Variants in NOTCH1 observed in about 807,000 individuals in gnomAD.
NOTCH1 encodes neurogenic locus notch homolog protein 1.
Under a neutral mutation model 254.8 loss-of-function variants are expected in NOTCH1, and 37 were observed. The observed-to-expected ratio is 0.15, with a 90% CI of 0.11 to 0.19. The LOEUF is 0.19. Among genes scored for constraint, NOTCH1 ranks in the 10% least tolerant of loss-of-function variants. NOTCH1 has a pLI of 1.00. For synonymous variants in NOTCH1, 1,731 were observed against 1,618.1 expected (o/e 1.07, Z -1.68); for missense variants, 2,972 against 3,708.6 (o/e 0.80, Z 5.16).
At position 136,522,887 on chromosome 9, in the gene NOTCH1, G is replaced by T; in HGVS notation, c.705C>A (p.Pro235=). The T allele has an allele frequency of 6.5e-7, 1 of 1,531,490 alleles. No homozygotes were observed. The highest frequency in any genetic ancestry group is 1.2e-5 in the South Asian group (1 of 82,794). The allele number at this position is 1,531,490 out of a possible 1,614,324, so 94.9% of individuals were successfully genotyped here. A position where few individuals can be genotyped will look rare whatever the true frequency, so the allele number is the denominator to read the frequency against. The change falls in exon 4 of 34, where the codon CCC becomes CCA. Residue 235 remains proline (P), a synonymous_variant. Transcript: ENST00000651671. ...CACACTCGTGGGTGACGTCGCCCGT[G>T]GGGCGGCAGGTGCCCCCGTTCTGGC... is the stretch of plus-strand genomic sequence containing the variant. ...SPCQNGGTCR[P]TGDVTHECAC...
Position 136,515,162 on chromosome 9 carries a change from C to T in NOTCH1, c.2014+128G>A. 4 of 832,606 alleles carry T rather than the reference C, an allele frequency of 4.8e-6. No homozygotes were observed. The South Asian group carries it at 5.7e-5, about 12-fold the overall frequency. 51.6% of individuals were successfully genotyped at this position (832,606 alleles called of 1,614,324 possible). On this transcript the variant is annotated intron_variant, in intron 12 of 33. Transcript: ENST00000651671. Reference sequence around the variant, plus strand: ...CCTGGTCCCGCTGCAATCTCTGCTGCAGACCACGGTCTGCCCAGGTGGGCA... The same window carrying T: ...CCTGGTCCCGCTGCAATCTCTGCTGTAGACCACGGTCTGCCCAGGTGGGCA...
intron 31 of NOTCH1, among the ~76,000 whole-genome samples, chr9:136,499,675 AG>A (rs11361183): frequency 0.48 from 72,675 of 152,004 alleles, 18,020 homozygotes; most frequent in East Asian, 0.88. Flanking sequence ...CTGCCCAGAG[AG>A]GGGGTGGGCA....
rs777947269 is a variant in NOTCH1 at position 136,504,930 on chromosome 9, G to T, written c.4761C>A (p.Asn1587Lys). The T allele has an allele frequency of 6.3e-7, 1 of 1,588,392 alleles. No homozygotes were observed. The highest frequency in any genetic ancestry group is 2.3e-5 in the East Asian group (1 of 43,706). Reference sequence around the variant, plus strand: ...GCTCCCGCAGGAAGTGGAAGGAGCTGTTGCGCAGCTGCTCCGGCGGCATCA... The same window carrying T: ...GCTCCCGCAGGAAGTGGAAGGAGCTTTTGCGCAGCTGCTCCGGCGGCATCA... ...VVLMPPEQLR[N>K]SSFHFLRELS... Residue 1587 changes from asparagine (N) to lysine (K), a missense_variant, in exon 26 of 34, where the codon AAC becomes AAA. By Grantham distance (94) the Asn-to-Lys change is moderately conservative (BLOSUM62 0). Coordinates refer to ENST00000651671, the MANE Select transcript of NOTCH1 (RefSeq NM_017617.5).
chr9:136,500,464 T>C, intron 31 of NOTCH1, 88 bp downstream of exon 31: 2 of 1,529,978 alleles, frequency 1.3e-6, no homozygotes, highest in Non-Finnish European at 8.9e-7. Context: ...GGGGTCAGGC[T>C]CCCAGGGCCA....
In NOTCH1 at chr9:136,509,091, C is replaced by T. The variant is rs367927174; in HGVS notation, c.2970-20G>A. 1.0e-3 allele frequency: 1,566 copies of T among 1,546,804 alleles called. 2 individuals carry two copies. The highest frequency in any genetic ancestry group is 2.2e-3 in the African/African-American group (159 of 73,224). ...CAGGAGCTGCAAGGGGGTGGGCAGG[C>T]GGGGGCTGAGTGGAGGGCATTGGTG... On this transcript the variant is annotated intron_variant, in intron 18 of 33. Coordinates refer to ENST00000651671, the MANE Select transcript of NOTCH1 (RefSeq NM_017617.5).
intron 2 of NOTCH1, among the ~76,000 whole-genome samples, chr9:136,525,562 G>A (rs1589073837): frequency 6.6e-6 from 1 of 152,204 alleles, no homozygotes; most frequent in African/African-American, 2.4e-5. Context: ...AGAGGGAACC[G>A]TCCCGCCTTC....
rs1843079541 is a variant in NOTCH1, at chr9:136,506,006, T to A, written c.4015-125A>T. 1 of 816,042 alleles carries A rather than the reference T, an allele frequency of 1.2e-6. No homozygotes were observed. The highest frequency in any genetic ancestry group is 1.7e-5 in the African/African-American group (1 of 58,002). The allele number at this position is 816,042 out of a possible 1,614,324, so 50.6% of individuals were successfully genotyped here. ...CTAACCTGGGAGGCGGCCTGCAACC[T>A]TGCCCCCAGCAGCAAAACCCTTTAC... On this transcript the variant is annotated intron_variant, in intron 24 of 33. Coordinates refer to ENST00000651671, the MANE Select transcript of NOTCH1 (RefSeq NM_017617.5). This position sits in a 1 kb window ranked among gnomAD's most constrained non-coding sequence, Gnocchi z 4.5.
intron 2 of NOTCH1, among the ~76,000 whole-genome samples, chr9:136,526,389 A>G (rs1843460450): frequency 6.6e-6 from 1 of 152,214 alleles, no homozygotes; most frequent in South Asian, 2.1e-4. Flanking sequence ...GGTACAGGAC[A>G]GAGGGCGCTC....
Position 136,534,066 on chromosome 9 carries a change from G to A in NOTCH1, c.140+9958C>T, listed in dbSNP as rs150294515. ...TTGTCATCTCGGCACGAGGGCGACCGTCGGCTTCGTCCTGCCCTCATGGCT... is the reference window on the plus strand; with the variant it reads ...TTGTCATCTCGGCACGAGGGCGACCATCGGCTTCGTCCTGCCCTCATGGCT... On this transcript the variant is annotated intron_variant, in intron 2 of 33. Transcript: ENST00000651671. 9.5e-4 allele frequency among the ~76,000 whole-genome samples: 144 copies of A among 152,346 alleles called. 1 individual carries two copies. The highest frequency in any genetic ancestry group is 3.4e-3 in the African/African-American group (141 of 41,588).
intron 33 of NOTCH1, among the ~76,000 whole-genome samples, chr9:136,498,228 C>T (rs1304081655): frequency 2.0e-5 from 1 of 48,948 alleles, no homozygotes; most frequent in Non-Finnish European, 4.0e-5. Context: ...AAGGGGGCAG[C>T]AGGAGTTGGG....
At position 136,518,267 on chromosome 9, in the gene NOTCH1, T is replaced by C. The variant is rs371954544; in HGVS notation, c.1125A>G (p.Ala375=). The C allele has an allele frequency of 1.1e-5, 18 of 1,611,096 alleles. No individual in the cohort carries two copies. The highest frequency in any genetic ancestry group is 1.7e-5 in the Admixed American group (1 of 59,820). The change falls in exon 7 of 34, where the codon GCA becomes GCG. Residue 375 remains alanine, a synonymous_variant. Coordinates refer to ENST00000651671, the MANE Select transcript of NOTCH1 (RefSeq NM_017617.5). ...RTGLLCHLND[A]CISNPCNEGS... ...CCTCGTTACAGGGGTTGCTGATGCA[T>C]GCGTCGTTGAGGTGGCACAGCAGAC... is the stretch of plus-strand genomic sequence containing the variant.
rs773571672 is a variant in NOTCH1 at position 136,500,702 on chromosome 9, G to A, written c.5784C>T (p.Gly1928=). 11 of 1,609,982 alleles carry A rather than the reference G, an allele frequency of 6.8e-6. No homozygotes were observed. Among genetic ancestry groups the A allele is most frequent in the Admixed American group, 6.7e-5 (4 of 60,006 alleles). The change falls in exon 31 of 34, where the codon GGC becomes GGT. Residue 1928 remains glycine (G), a synonymous_variant. Transcript: ENST00000651671. ...ASLHNQTDRT[G]ETALHLAARY... ...GGGCGGCCAGGTGCAAGGCGGTCTCGCCCGTGCGGTCTGTCTGGTTGTGCA... is the reference window on the plus strand; with the variant it reads ...GGGCGGCCAGGTGCAAGGCGGTCTCACCCGTGCGGTCTGTCTGGTTGTGCA...
chr9:136,527,709 C>T (rs1017398408), intron 2 of NOTCH1, among the ~76,000 whole-genome samples: 3 of 152,330 alleles, frequency 2.0e-5, no homozygotes, highest in South Asian at 2.1e-4. Context: ...CCCTTCCGTG[C>T]GTCCCTCTTA....
At position 136,504,762 on chromosome 9, in the gene NOTCH1, G is replaced by A. The variant is rs1408944177; in HGVS notation, c.4929C>T (p.Ala1643=). The A allele has an allele frequency of 6.5e-7, 1 of 1,549,804 alleles. No homozygotes were observed. The highest frequency in any genetic ancestry group is 2.4e-5 in the East Asian group (1 of 41,172). ...RAAEGWAAPD[A]LLGQVKASLL... is the part of the protein sequence containing the mutation. ...GCGAGGCCTTCACCTGGCCCAGCAGGGCGTCAGGTGCGGCCCAGCCCTCGG... is the reference window on the plus strand; with the variant it reads ...GCGAGGCCTTCACCTGGCCCAGCAGAGCGTCAGGTGCGGCCCAGCCCTCGG... The change falls in exon 26 of 34, where the codon GCC becomes GCT. Residue 1643 remains alanine (A), a synonymous_variant. Transcript: ENST00000651671.
At chr9:136,498,472 T>C (rs948307913) in intron 33 of NOTCH1, among the ~76,000 whole-genome samples, 1 of 152,158 alleles carries the variant, frequency 6.6e-6, no homozygotes, top group African/African-American at 2.4e-5. Context: ...GCCACGCGTG[T>C]TCTGGCTCAA....
intron 6 of NOTCH1, 112 bp from the exon 7 acceptor site, chr9:136,518,404 C>A: frequency 7.0e-7 from 1 of 1,424,866 alleles, no homozygotes; most frequent in Non-Finnish European, 9.6e-7. Flanking sequence ...CCGCCGTGAC[C>A]CCGTCGGGCA....
chr9:136,519,026 G>C (rs1446116410), intron 5 of NOTCH1, among the ~76,000 whole-genome samples: 2 of 152,230 alleles, frequency 1.3e-5, no homozygotes, highest in African/African-American at 4.8e-5. Flanking sequence ...TGTGGACACT[G>C]CTGCGTCGGG....
At position 136,494,651 on chromosome 9, in the gene NOTCH1, G is replaced by A. The variant is rs1019786407; in HGVS notation, c.*1420C>T. 1.5e-5 allele frequency: 6 copies of A among 398,708 alleles called. No homozygotes were observed. Among genetic ancestry groups the A allele is most frequent in the Admixed American group, 8.8e-5 (2 of 22,722 alleles). The allele number at this position is 398,708 out of a possible 1,614,324, so 24.7% of individuals were successfully genotyped here. The stretch of plus-strand genomic sequence containing the variant: ...CCACGCGGCCCCCGTAGAGCCGGGG[G>A]AGGCTGCCCTGAGGAGTGCAGGCGG... On this transcript the variant is annotated 3_prime_UTR_variant, in exon 34 of 34. Coordinates refer to ENST00000651671, the MANE Select transcript of NOTCH1 (RefSeq NM_017617.5).
Position 136,510,669 on chromosome 9 carries a change from G to A in NOTCH1, c.2724C>T (p.Ile908=), listed in dbSNP as rs61751547. 290 of 1,607,952 alleles carry A rather than the reference G, an allele frequency of 1.8e-4. 1 individual carries two copies. The highest frequency in any genetic ancestry group is 3.4e-4 in the Middle Eastern group (2 of 5,960). Residue 908 remains isoleucine, a synonymous_variant, in exon 17 of 34, where the codon ATC becomes ATT. Transcript: ENST00000651671. The part of the protein sequence containing the change: ...GYSGRNCETD[I]DDCRPNPCHN... The stretch of plus-strand genomic sequence containing the variant: ...GCTACTCACTGGGCCGGCAGTCGTC[G>A]ATGTCGGTCTCGCAGTTGCGCCCAC...
Sources: gnomAD v4.1 joint callset for allele counts (sites outside exome capture counted in the v4.1 genomes callset) on GRCh38, gnomAD v4.1.1 for gene constraint, Gnocchi (gnomAD v3.1) non-coding constraint, MANE v1.5 for transcripts, NCBI Gene and HGNC (gene_info 2026-07-23, HGNC 2026-07-21) for gene names.